Variants in DPYSL2 observed in about 807,000 individuals in gnomAD.
DPYSL2 encodes dihydropyrimidinase-related protein 2.
Under a neutral mutation model 69.9 loss-of-function variants are expected in DPYSL2, and 13 were observed. That is an observed-to-expected ratio of 0.19 (90% CI 0.12 to 0.30). The LOEUF is 0.30. DPYSL2 is among the 10% of genes least tolerant of loss of function. The pLI, the probability that DPYSL2 is intolerant of heterozygous loss-of-function variation, is 1.00. For missense variants in DPYSL2, 587 were observed against 918.9 expected (o/e 0.64, Z 4.67); for synonymous variants, 326 against 359.1 (o/e 0.91, Z 1.04).
intron 1 of DPYSL2, among the ~76,000 whole-genome samples, chr8:26,567,362 A>T (rs1213501244): frequency 6.6e-6 from 1 of 151,248 alleles, no homozygotes; most frequent in African/African-American, 2.4e-5. Context: ...CTGCCCATCC[A>T]TCCATCCATC....
Position 26,617,022 on chromosome 8 carries a change from C to G in DPYSL2, c.629-7121C>G, listed in dbSNP as rs1802370361. Among the ~76,000 whole-genome samples the G allele has an allele frequency of 6.6e-6, 1 of 152,244 alleles. No individual in the cohort carries two copies. Among genetic ancestry groups the G allele is most frequent in the Admixed American group, 6.5e-5 (1 of 15,286 alleles). On this transcript the variant is annotated intron_variant, in intron 3 of 13. Transcript: ENST00000521913. This position sits in a 1 kb window ranked among gnomAD's most constrained non-coding sequence, Gnocchi z 4.7. ...CTGCTCAACTGCTTCAATTCCAGAA[C>G]TGGAACTGCAGGGAAGCTGTTTCTG...
intron 1 of DPYSL2, among the ~76,000 whole-genome samples, chr8:26,522,743 A>G (rs542256081): frequency 6.6e-6 from 1 of 152,334 alleles, no homozygotes; most frequent in South Asian, 2.1e-4. Context: ...TATTCTAGAT[A>G]CTAGGCCCTT....
At position 26,519,276 on chromosome 8, in the gene DPYSL2, T is replaced by C. The variant is rs138805035; in HGVS notation, c.354+4597T>C. On this transcript the variant is annotated intron_variant, in intron 1 of 13. Transcript: ENST00000521913. Reference sequence around the variant, plus strand: ...TTATAGATTCAAATGTGTACTATCATTGAATGTCAGAGCTTGCAAGAGACC... The same window carrying C: ...TTATAGATTCAAATGTGTACTATCACTGAATGTCAGAGCTTGCAAGAGACC... Among the ~76,000 whole-genome samples, 176 of 152,324 alleles carry C rather than the reference T, an allele frequency of 1.2e-3. 3 individuals carry two copies. In the East Asian group the frequency reaches 0.03, roughly 26 times the overall value.
intron 1 of DPYSL2, among the ~76,000 whole-genome samples, chr8:26,540,272 A>G (rs1259023386): frequency 5.8e-5 from 4 of 68,540 alleles, no homozygotes; most frequent in Non-Finnish European, 1.4e-4. Context: ...AAGCATAAGA[A>G]AAAAAAATCG....
intron 7 of DPYSL2, 64 bp downstream of exon 7, chr8:26,628,004 G>A (rs1025432425): frequency 6.5e-7 from 1 of 1,532,226 alleles, no homozygotes; most frequent in Admixed American, 1.8e-5. Flanking sequence ...GAGCCTCAGG[G>A]AACCTGCTTC....
rs536090701 is a variant in DPYSL2 at position 26,592,472 on chromosome 8, T to G, written c.628+8489T>G. Among the ~76,000 whole-genome samples the G allele has an allele frequency of 3.9e-3, 355 of 90,184 alleles. 2 individuals are homozygous for G. Among genetic ancestry groups the G allele is most frequent in the Non-Finnish European group, 7.5e-3 (267 of 35,504 alleles). The allele number at this position is 90,184 out of a possible 152,430, so 59.2% of individuals were successfully genotyped here. On this transcript the variant is annotated intron_variant, in intron 3 of 13. Coordinates refer to ENST00000521913, the MANE Select transcript of DPYSL2 (RefSeq NM_001197293.3). ...CTGTTTGGTACATTAGTTTTTTTTT[T>G]TTTGTTTTTTTTTTTTTATTAAGAC...
In DPYSL2 at chr8:26,626,691, G is replaced by A. The variant is rs550590959; in HGVS notation, c.855+13G>A. 4.3e-6 allele frequency: 7 copies of A among 1,614,052 alleles called. No homozygotes were observed. In the South Asian group the frequency reaches 6.6e-5, roughly 15 times the overall value. ...AACGGATTGCCAGGTAAGAAAGTCG[G>A]CTTTTCGGAAGAGGCACCCTGACAT... On this transcript the variant is annotated intron_variant, in intron 5 of 13. Transcript: ENST00000521913. The surrounding 1 kb of genome is among the most constrained non-coding windows in gnomAD (Gnocchi z 4.3).
At chr8:26,607,803 G>T (rs1173529982) in intron 3 of DPYSL2, among the ~76,000 whole-genome samples, 1 of 151,810 alleles carries the variant, frequency 6.6e-6, no homozygotes, top group East Asian at 1.9e-4. Context: ...AAATCGGCTG[G>T]GTGTGGTGGC....
At position 26,617,610 on chromosome 8, in the gene DPYSL2, C is replaced by T. The variant is rs1373308289; in HGVS notation, c.629-6533C>T. ...AGGGAGCAGCTTATTTACTTTGTGT[C>T]TCACACTTTGCTAATATCCAAAATG... On this transcript the variant is annotated intron_variant, in intron 3 of 13. Coordinates refer to ENST00000521913, the MANE Select transcript of DPYSL2 (RefSeq NM_001197293.3). This position sits in a 1 kb window ranked among gnomAD's most constrained non-coding sequence, Gnocchi z 4.7. Among the ~76,000 whole-genome samples the T allele has an allele frequency of 6.6e-6, 1 of 152,204 alleles. No individual in the cohort carries two copies. The highest frequency in any genetic ancestry group is 1.5e-5 in the Non-Finnish European group (1 of 68,036).
chr8:26,520,765 T>C (rs574950507), intron 1 of DPYSL2, among the ~76,000 whole-genome samples: 1 of 152,292 alleles, frequency 6.6e-6, no homozygotes, highest in East Asian at 1.9e-4. Context: ...ACAAGAAACA[T>C]TTATTTCTCA....
At position 26,597,561 on chromosome 8, in the gene DPYSL2, G is replaced by C. The variant is rs546209600; in HGVS notation, c.628+13578G>C. ...TTGATCTCAGCTCACTGCAAGCTCC[G>C]CCTCCCAGGTTCACGCCATTCTCCT... On this transcript the variant is annotated intron_variant, in intron 3 of 13. Coordinates refer to ENST00000521913, the MANE Select transcript of DPYSL2 (RefSeq NM_001197293.3). The surrounding 1 kb of genome is among the most constrained non-coding windows in gnomAD (Gnocchi z 5.2). Among the ~76,000 whole-genome samples the C allele has an allele frequency of 6.6e-6, 1 of 151,898 alleles. No individual in the cohort carries two copies. Among genetic ancestry groups the C allele is most frequent in the Non-Finnish European group, 1.5e-5 (1 of 67,992 alleles).
In DPYSL2 at chr8:26,582,095, C is replaced by A. The variant is rs1563396038; in HGVS notation, c.443+38C>A. On this transcript the variant is annotated intron_variant, in intron 2 of 13. Transcript: ENST00000521913. The surrounding 1 kb of genome is among the most constrained non-coding windows in gnomAD (Gnocchi z 4.1). ...CATGATATACAGATGTATTTGAACA[C>A]TTTCCAGACTTCCCAAGTATTAGAT... 1.3e-6 allele frequency: 2 copies of A among 1,524,596 alleles called. No individual in the cohort carries two copies. Among genetic ancestry groups the A allele is most frequent in the Non-Finnish European group, 1.8e-6 (2 of 1,101,682 alleles). The allele number at this position is 1,524,596 out of a possible 1,614,324, so 94.4% of individuals were successfully genotyped here.
At chr8:26,523,810 G>A (rs960436474) in intron 1 of DPYSL2, among the ~76,000 whole-genome samples, 1 of 152,202 alleles carries the variant, frequency 6.6e-6, no homozygotes, top group East Asian at 1.9e-4. Flanking sequence ...ACAGGCATAA[G>A]CCACTGCCCC....
rs1436180136 is a variant in DPYSL2 at position 26,624,573 on chromosome 8, A to T, written c.793+266A>T. 1.3e-5 allele frequency among the ~76,000 whole-genome samples: 2 copies of T among 152,148 alleles called. No individual in the cohort carries two copies. Among genetic ancestry groups the T allele is most frequent in the East Asian group, 3.9e-4 (2 of 5,180 alleles). ...CTGTTCTTAGGTGACAGCTGCTCAC[A>T]GCTTATTGGTTTGTGAGCACCGTGC... On this transcript the variant is annotated intron_variant, in intron 4 of 13. Transcript: ENST00000521913. The surrounding 1 kb of genome is among the most constrained non-coding windows in gnomAD (Gnocchi z 4.7).
At position 26,597,748 on chromosome 8, in the gene DPYSL2, A is replaced by C. The variant is rs1476120188; in HGVS notation, c.628+13765A>C. ...CTCGGCCTCCCAAAGTGCTGGGATT[A>C]CAGGCAAGAGCCACCGCACCTGGCC... On this transcript the variant is annotated intron_variant, in intron 3 of 13. Coordinates refer to ENST00000521913, the MANE Select transcript of DPYSL2 (RefSeq NM_001197293.3). The surrounding 1 kb of genome is among the most constrained non-coding windows in gnomAD (Gnocchi z 5.2). 6.7e-6 allele frequency among the ~76,000 whole-genome samples: 1 copy of C among 149,404 alleles called. No homozygotes were observed. Among genetic ancestry groups the C allele is most frequent in the East Asian group, 2.0e-4 (1 of 5,090 alleles).
At chr8:26,645,202 C>T (rs1351172608) in intron 10 of DPYSL2, among the ~76,000 whole-genome samples, 1 of 152,080 alleles carries the variant, frequency 6.6e-6, no homozygotes, top group Non-Finnish European at 1.5e-5. Flanking sequence ...GAGTTCAAGA[C>T]CAGTCTGGCA....
chr8:26,519,329 G>T (rs1808347819), intron 1 of DPYSL2, among the ~76,000 whole-genome samples: 1 of 152,192 alleles, frequency 6.6e-6, no homozygotes, highest in African/African-American at 2.4e-5. Flanking sequence ...CCTCATTCTA[G>T]AAGTGAAGAA....
chr8:26,601,852 G>T (rs1326913405), intron 3 of DPYSL2, among the ~76,000 whole-genome samples: 2 of 152,224 alleles, frequency 1.3e-5, no homozygotes, highest in Non-Finnish European at 2.9e-5. Flanking sequence ...TTATAAAAGG[G>T]GGTGGGCTAG....
chr8:26,536,105 CTT>C (rs111964513), intron 1 of DPYSL2, among the ~76,000 whole-genome samples: 32 of 139,716 alleles, frequency 2.3e-4, no homozygotes, highest in African/African-American at 7.1e-4. Context: ...TATCTTTTTC[CTT>C]TTTTTTTTTT....
Sources: gnomAD v4.1 joint callset for allele counts (sites outside exome capture counted in the v4.1 genomes callset) on GRCh38, gnomAD v4.1.1 for gene constraint, Gnocchi (gnomAD v3.1) non-coding constraint, MANE v1.5 for transcripts, NCBI Gene and HGNC (gene_info 2026-07-23, HGNC 2026-07-21) for gene names.